Variants in PDE1C observed in about 807,000 individuals in gnomAD.
PDE1C encodes the protein dual specificity calcium/calmodulin-dependent 3',5'-cyclic nucleotide phosphodiesterase 1C.
PDE1C carries 62 observed loss-of-function variants against 93.1 expected under a neutral mutation model. The ratio of observed to expected loss-of-function variants is 0.67; its 90% confidence interval spans 0.54 to 0.82. The LOEUF (loss-of-function observed/expected upper bound fraction) is 0.82. Among genes scored for constraint, PDE1C ranks in the 40% least tolerant of loss-of-function variants. The pLI is 0.00. For missense variants in PDE1C, 742 were observed against 884.6 expected, an observed-to-expected ratio of 0.84 and a Z score of 2.04; for synonymous variants, 325 against 310.1, an observed-to-expected ratio of 1.05 and a Z score of -0.50.
chr7:31,900,728 T>C (rs888783269), intron 2 of PDE1C, among the ~76,000 whole-genome samples: 1 of 151,906 alleles, frequency 6.6e-6, no homozygotes, highest in African/African-American at 2.4e-5. Context: ...GAAGCCCTAT[T>C]GACTTCTTGA....
chr7:32,285,751 G>C (rs1811955361), intron 1 of PDE1C, among the ~76,000 whole-genome samples: 1 of 137,126 alleles, frequency 7.3e-6, no homozygotes, highest in Non-Finnish European at 1.6e-5. Context: ...GGGGAGAAGA[G>C]AAGAGAGGGG....
At chr7:32,022,651 TAAAC>T (rs950859974) in intron 2 of PDE1C, among the ~76,000 whole-genome samples, 18 of 152,070 alleles carry the variant, frequency 1.2e-4, no homozygotes, top group Non-Finnish European at 1.9e-4. Context: ...AACAAATGAA[TAAAC>T]AAACAAATTA....
intron 1 of PDE1C, among the ~76,000 whole-genome samples, chr7:32,373,412 C>A (rs997340536): frequency 1.3e-5 from 2 of 152,112 alleles, no homozygotes; most frequent in African/African-American, 4.8e-5. Flanking sequence ...CTAGAATAGG[C>A]AAATCTAAGA....
intron 2 of PDE1C, among the ~76,000 whole-genome samples, chr7:31,992,129 G>C (rs1485543225): frequency 6.6e-6 from 1 of 152,230 alleles, no homozygotes; most frequent in Non-Finnish European, 1.5e-5. Flanking sequence ...CATGCACCAG[G>C]CCCAAGCCCA....
chr7:32,287,089 C>A (rs559412881), intron 1 of PDE1C, among the ~76,000 whole-genome samples: 2 of 152,270 alleles, frequency 1.3e-5, no homozygotes, highest in East Asian at 3.9e-4. Context: ...ATTATTAACA[C>A]ATAATAGCAA....
intron 2 of PDE1C, among the ~76,000 whole-genome samples, chr7:32,181,422 A>G (rs1337282098): frequency 6.6e-6 from 1 of 152,234 alleles, no homozygotes; most frequent in Non-Finnish European, 1.5e-5. Flanking sequence ...AGCAAATGTA[A>G]AAGAACAGAA....
chr7:31,981,216 G>A (rs939311911), intron 2 of PDE1C, among the ~76,000 whole-genome samples: 4 of 152,064 alleles, frequency 2.6e-5, no homozygotes, highest in African/African-American at 9.7e-5. Flanking sequence ...CTATAGTCAA[G>A]AATATTACCA....
intron 1 of PDE1C, among the ~76,000 whole-genome samples, chr7:32,257,401 A>G (rs1313038203): frequency 1.3e-5 from 2 of 152,194 alleles, no homozygotes; most frequent in African/African-American, 4.8e-5. Context: ...CCCAGGAACC[A>G]ACTCCATGAA....
intron 16 of PDE1C, among the ~76,000 whole-genome samples, chr7:31,801,461 G>C (rs1786026904): frequency 6.6e-6 from 1 of 151,376 alleles, no homozygotes; most frequent in Admixed American, 6.6e-5. Flanking sequence ...GTATGCACTT[G>C]AAAAAGATGT....
At chr7:32,245,968 C>CTTTT (rs369247468) in intron 1 of PDE1C, among the ~76,000 whole-genome samples, 18 of 94,772 alleles carry the variant, frequency 1.9e-4, no homozygotes, top group African/African-American at 2.6e-4. Context: ...TTTTTCTTTT[C>CTTTT]TTTTTTTTTT....
chr7:32,388,062 TG>T (rs1372924737), intron 1 of PDE1C, among the ~76,000 whole-genome samples: 7 of 152,234 alleles, frequency 4.6e-5, no homozygotes, highest in Admixed American at 1.3e-4. Flanking sequence ...AAGTTCTTCA[TG>T]GCTATTGTGC....
chr7:32,194,207 G>C (rs1804447619), intron 2 of PDE1C, among the ~76,000 whole-genome samples: 1 of 152,102 alleles, frequency 6.6e-6, no homozygotes, highest in South Asian at 2.1e-4. Flanking sequence ...AGCCAGGCCA[G>C]TAGTTTATGC....
intron 9 of PDE1C, among the ~76,000 whole-genome samples, chr7:31,842,832 G>T (rs1792088946): frequency 1.3e-5 from 2 of 151,464 alleles, no homozygotes; most frequent in African/African-American, 2.4e-5. Context: ...TGAAGTCATT[G>T]TGTTTGGAAC....
In PDE1C at chr7:31,850,967, T is replaced by C. The variant is rs546545154; in HGVS notation, c.751-226A>G. The C allele has an allele frequency of 2.0e-4, 95 of 467,830 alleles. 1 individual carries two copies. The highest frequency in any genetic ancestry group is 1.9e-3 in the South Asian group (79 of 40,762). The allele number at this position is 467,830 out of a possible 1,614,324, so 29.0% of individuals were successfully genotyped here. A position where few individuals can be genotyped will look rare whatever the true frequency, so the allele number is the denominator to read the frequency against. ...AAGGTTGAATAAGCTAAGTAGTAGT[T>C]TTATCTTTTTCAAGAAATCAAAGAG... is the stretch of plus-strand genomic sequence containing the variant. On this transcript the variant is annotated intron_variant, in intron 7 of 17. Coordinates refer to ENST00000396191, the MANE Select transcript of PDE1C (RefSeq NM_001191057.4).
At chr7:32,426,065 G>A (rs1194849609) in intron 1 of PDE1C, among the ~76,000 whole-genome samples, 1 of 152,124 alleles carries the variant, frequency 6.6e-6, no homozygotes, top group Non-Finnish European at 1.5e-5. Context: ...ATATTAATGA[G>A]TTTCACAAAG....
At chr7:32,403,480 T>A (rs1784991640) in intron 1 of PDE1C, among the ~76,000 whole-genome samples, 2 of 152,188 alleles carry the variant, frequency 1.3e-5, no homozygotes, top group Non-Finnish European at 1.5e-5. Flanking sequence ...AGGGTGTATG[T>A]TAAGGCTTGA....
chr7:32,228,104 T>C (rs184464611), intron 1 of PDE1C, among the ~76,000 whole-genome samples: 1 of 152,362 alleles, frequency 6.6e-6, no homozygotes, highest in Admixed American at 6.5e-5. Flanking sequence ...ACCTCTCTAC[T>C]GTCATTTTAA....
At chr7:31,696,728 C>T in the PDE1C span, among the ~76,000 whole-genome samples, 1 of 152,152 alleles carries the variant, frequency 6.6e-6, no homozygotes, top group South Asian at 2.1e-4. Context: ...CTAAATTCCT[C>T]AGGGTTTTAG....
chr7:31,956,179 C>T (rs771672788), intron 2 of PDE1C, among the ~76,000 whole-genome samples: 4 of 151,978 alleles, frequency 2.6e-5, no homozygotes, highest in Admixed American at 6.6e-5. Context: ...CTGCAACTTC[C>T]GCCTCCCAGG....
Sources: allele counts gnomAD v4.1 joint callset (sites outside exome capture counted in the v4.1 genomes callset), GRCh38; gene constraint gnomAD v4.1.1; transcripts MANE v1.5; gene names NCBI Gene and HGNC (gene_info 2026-07-23, HGNC 2026-07-21).